Variants in TENM3 observed in about 807,000 individuals in gnomAD.
TENM3 encodes teneurin-3.
A neutral mutation model predicts 255.1 loss-of-function variants in TENM3; 63 were observed. The observed-to-expected ratio is 0.25, with a 90% confidence interval of 0.20 to 0.30. TENM3 has a LOEUF of 0.30. TENM3 is among the 10% of genes least tolerant of loss of function. TENM3 has a pLI of 1.00. For synonymous variants in TENM3, 1,306 were observed against 1,322.3 expected (o/e 0.99, Z 0.27); for missense variants, 2,929 against 3,461.1 (o/e 0.85, Z 3.86).
chr4:182,753,066 C>A (rs1267149664), intron 20 of TENM3, among the ~76,000 whole-genome samples: 1 of 151,598 alleles, frequency 6.6e-6, no homozygotes, highest in Non-Finnish European at 1.5e-5. Flanking sequence ...TCTGCCTCAG[C>A]CTCCCGAATA....
chr4:181,538,967 T>C, the TENM3 span, among the ~76,000 whole-genome samples: 1 of 152,224 alleles, frequency 6.6e-6, no homozygotes, highest in Non-Finnish European at 1.5e-5. Flanking sequence ...AAAAAGTAAG[T>C]AGTAACTAAA....
chr4:182,286,153 T>C (rs1760715167), intron 1 of TENM3, among the ~76,000 whole-genome samples: 1 of 152,218 alleles, frequency 6.6e-6, no homozygotes, highest in African/African-American at 2.4e-5. Flanking sequence ...TGCTGGGTAT[T>C]GCCAAGGGTA....
At chr4:181,765,225 A>G in the TENM3 span, among the ~76,000 whole-genome samples, 2 of 152,092 alleles carry the variant, frequency 1.3e-5, no homozygotes, top group African/African-American at 4.8e-5. Flanking sequence ...GATCTTTTTT[A>G]TTGATTCCGA....
intron 5 of TENM3, among the ~76,000 whole-genome samples, chr4:182,639,501 A>G (rs77752596): frequency 0.061 from 9,348 of 152,282 alleles, 391 homozygotes; most frequent in East Asian, 0.14. Context: ...GAAAAATCTT[A>G]GGCCCAGAAA....
At chr4:182,743,060 A>C (rs1028652705) in intron 18 of TENM3, 110 bp from the exon 19 acceptor site, 1 of 1,192,302 alleles carries the variant, frequency 8.4e-7, no homozygotes, top group African/African-American at 1.5e-5. Context: ...GAATGTCTTA[A>C]TCCAGACCTG....
At chr4:182,359,621 T>C (rs779909409) in intron 3 of TENM3, among the ~76,000 whole-genome samples, 20 of 144,206 alleles carry the variant, frequency 1.4e-4, no homozygotes, top group Non-Finnish European at 2.4e-4. Flanking sequence ...TTTTTCTTTA[T>C]TAGTCTTGCT....
the TENM3 span, among the ~76,000 whole-genome samples, chr4:181,928,479 GA>G: frequency 2.0e-5 from 3 of 151,786 alleles, no homozygotes; most frequent in Admixed American, 6.6e-5. Context: ...CAAGATTGGA[GA>G]AAAAAGAATG....
At chr4:182,755,283 T>C (rs1762645314) in intron 22 of TENM3, 24 bp downstream of exon 22, 1 of 1,526,724 alleles carries the variant, frequency 6.5e-7, no homozygotes, top group African/African-American at 1.4e-5. Flanking sequence ...AATTCTACTC[T>C]GATTATAAAA....
intron 13 of TENM3, among the ~76,000 whole-genome samples, 165 bp downstream of exon 13, chr4:182,714,398 G>A (rs1758997665): frequency 6.7e-6 from 1 of 149,400 alleles, no homozygotes; most frequent in Non-Finnish European, 1.5e-5. Flanking sequence ...GAATGATTTT[G>A]CTCTCCATTT....
At chr4:181,728,354 G>T in the TENM3 span, among the ~76,000 whole-genome samples, 2 of 152,134 alleles carry the variant, frequency 1.3e-5, no homozygotes, top group Admixed American at 1.3e-4. Flanking sequence ...GTAAACAATG[G>T]CTACTCCGCA....
the TENM3 span, among the ~76,000 whole-genome samples, chr4:181,637,353 A>G: frequency 2.6e-5 from 4 of 152,212 alleles, no homozygotes; most frequent in South Asian, 8.3e-4. Context: ...CTCCCCCAGC[A>G]ACTCCGGGCT....
chr4:182,121,512 C>A, the TENM3 span, among the ~76,000 whole-genome samples: 2 of 152,150 alleles, frequency 1.3e-5, no homozygotes, highest in Non-Finnish European at 2.9e-5. Context: ...TCAATAAAGA[C>A]CACTGCCATA....
the TENM3 span, among the ~76,000 whole-genome samples, chr4:181,882,538 A>G: frequency 6.6e-6 from 1 of 152,294 alleles, no homozygotes; most frequent in African/African-American, 2.4e-5. Context: ...CAAGTACATC[A>G]TAGTTCAGCT....
At chr4:182,386,667 C>G (rs1290071148) in intron 3 of TENM3, among the ~76,000 whole-genome samples, 2 of 152,212 alleles carry the variant, frequency 1.3e-5, no homozygotes, top group Non-Finnish European at 2.9e-5. Context: ...TGCCGGCCGG[C>G]CGGGGCAGTG....
At chr4:182,725,022 G>C (rs1448224400) in intron 13 of TENM3, among the ~76,000 whole-genome samples, 2 of 151,038 alleles carry the variant, frequency 1.3e-5, no homozygotes, top group Non-Finnish European at 2.9e-5. Context: ...AAAGGTTGAG[G>C]TTTTAAAAAA....
At chr4:182,409,339 T>C (rs1769808387) in intron 3 of TENM3, among the ~76,000 whole-genome samples, 1 of 152,196 alleles carries the variant, frequency 6.6e-6, no homozygotes, top group Non-Finnish European at 1.5e-5. Flanking sequence ...ATAACACAAC[T>C]TCTATTAGAA....
At chr4:182,445,402 A>T (rs1338968851) in intron 3 of TENM3, among the ~76,000 whole-genome samples, 1 of 152,236 alleles carries the variant, frequency 6.6e-6, no homozygotes, top group Non-Finnish European at 1.5e-5. Context: ...TAGTATAGCT[A>T]TGAGTGTTTG....
the TENM3 span, among the ~76,000 whole-genome samples, chr4:181,787,238 T>A: frequency 6.6e-6 from 1 of 152,060 alleles, no homozygotes. Context: ...CAGAACAGAC[T>A]CTTTGTGGCA....
At chr4:181,903,209 A>T in the TENM3 span, among the ~76,000 whole-genome samples, 2,901 of 106,522 alleles carry the variant, frequency 0.027, 105 homozygotes, top group African/African-American at 0.08. Flanking sequence ...TTTCTGATTT[A>T]AAAAAAAAAC....
Sources: gnomAD v4.1 joint callset for allele counts (sites outside exome capture counted in the v4.1 genomes callset) on GRCh38, gnomAD v4.1.1 for gene constraint, MANE v1.5 for transcripts, NCBI Gene and HGNC (gene_info 2026-07-23, HGNC 2026-07-21) for gene names.